Variants in ENTPD1 observed in about 807,000 individuals in gnomAD.
ENTPD1 encodes ATP diphosphohydrolase.
In ENTPD1, 33 loss-of-function variants were observed where a neutral mutation model predicts 57.0. The ratio of observed to expected loss-of-function variants is 0.58; its 90% CI spans 0.44 to 0.77. The LOEUF is 0.77. Among genes scored for constraint, ENTPD1 ranks in the 30% least tolerant of loss-of-function variants. ENTPD1 has a pLI of 0.00. For synonymous variants in ENTPD1, 202 were observed against 218.8 expected, an observed-to-expected ratio of 0.92 and a Z score of 0.68; for missense variants, 501 against 603.4, an observed-to-expected ratio of 0.83 and a Z score of 1.78.
Position 95,742,336 on chromosome 10 carries a change from C to T in ENTPD1, c.37+30343C>T, listed in dbSNP as rs532612555. Reference sequence around the variant, plus strand: ...CAATGTTCCCAAATAAGGGTAACCCCGTCTGGAGAAGCCTAGGCCTTTTCC... The same window carrying T: ...CAATGTTCCCAAATAAGGGTAACCCTGTCTGGAGAAGCCTAGGCCTTTTCC... On this transcript the variant is annotated intron_variant, in intron 1 of 9. Transcript: ENST00000453258. Among the ~76,000 whole-genome samples the T allele has an allele frequency of 3.3e-5, 5 of 151,854 alleles. No homozygotes were observed. The East Asian group carries it at 7.7e-4, about 23-fold the overall frequency.
At chr10:95,824,878 A>G (rs2098368348) in intron 2 of ENTPD1, among the ~76,000 whole-genome samples, 1 of 152,236 alleles carries the variant, frequency 6.6e-6, no homozygotes, top group Non-Finnish European at 1.5e-5. Flanking sequence ...AGTATTGAAG[A>G]GCAGTCATTG....
intron 1 of ENTPD1, among the ~76,000 whole-genome samples, chr10:95,808,217 C>T (rs944182813): frequency 5.3e-5 from 8 of 152,180 alleles, no homozygotes; most frequent in African/African-American, 1.9e-4. Context: ...GGATGAATCA[C>T]ATTTATTGAT....
At chr10:95,724,628 A>G (rs1439689055) in intron 1 of ENTPD1, among the ~76,000 whole-genome samples, 1 of 152,216 alleles carries the variant, frequency 6.6e-6, no homozygotes, top group Non-Finnish European at 1.5e-5. Context: ...GCGAGCCTTT[A>G]GCCTGATTGG....
chr10:95,820,323 T>C (rs1202099216), intron 1 of ENTPD1, among the ~76,000 whole-genome samples: 1 of 152,206 alleles, frequency 6.6e-6, no homozygotes, highest in East Asian at 1.9e-4. Context: ...TCCTAAATTT[T>C]CTCTCTGACC....
chr10:95,754,998 G>A (rs2139918939), upstream of ENTPD1: 2 of 152,290 alleles, frequency 1.3e-5, no homozygotes, highest in East Asian at 3.9e-4. Flanking sequence ...TGATTTATAT[G>A]GTATAACTGG....
rs573645871 is a variant in ENTPD1 at position 95,813,280 on chromosome 10, A to G, written c.17-9957A>G. On this transcript the variant is annotated intron_variant, in intron 1 of 9. Coordinates refer to ENST00000371205, the MANE Select transcript of ENTPD1 (RefSeq NM_001776.6). ...AATATACATATTCAATAAGCTATAG[A>G]AGGAGTCATGAATATTTATGAAGGG... Among the ~76,000 whole-genome samples the G allele has an allele frequency of 1.6e-4, 24 of 152,302 alleles. 1 individual carries two copies. The highest frequency in any genetic ancestry group is 1.4e-3 in the Admixed American group (21 of 15,300).
At position 95,757,236 on chromosome 10, in the gene ENTPD1, G is replaced by A. The variant is rs934881751; in HGVS notation, c.16+981G>A. 2.6e-5 allele frequency among the ~76,000 whole-genome samples: 4 copies of A among 152,322 alleles called. No homozygotes were observed. In the South Asian group the frequency reaches 8.3e-4, roughly 32 times the overall value. On this transcript the variant is annotated intron_variant, in intron 1 of 9. Transcript: ENST00000371205. ...TTAATGTTGACTAAGTCTTTATTCT[G>A]TGTTGGGAGCTATACCTAGCATATT... is the stretch of plus-strand genomic sequence containing the variant.
At position 95,876,007 on chromosome 10, in the gene ENTPD1, C is replaced by G; in HGVS notation, c.*9624C>G. The G allele has an allele frequency of 2.0e-6, 2 of 985,370 alleles. No homozygotes were observed. Among genetic ancestry groups the G allele is most frequent in the Non-Finnish European group, 2.4e-6 (2 of 829,924 alleles). 61.0% of individuals were successfully genotyped at this position (985,370 alleles called of 1,614,324 possible). On this transcript the variant is annotated 3_prime_UTR_variant, in exon 10 of 10. Coordinates refer to ENST00000371205, the MANE Select transcript of ENTPD1 (RefSeq NM_001776.6). ...AACCAGCTGAATGGAAGTACAATCTCTTGCTATATGACACAATAATTATTT... is the reference window on the plus strand; with the variant it reads ...AACCAGCTGAATGGAAGTACAATCTGTTGCTATATGACACAATAATTATTT...
intron 1 of ENTPD1, among the ~76,000 whole-genome samples, chr10:95,765,306 G>A (rs879483296): frequency 4.6e-5 from 7 of 152,126 alleles, no homozygotes; most frequent in African/African-American, 1.7e-4. Context: ...TCTTCAAAGA[G>A]CTACATAGTT....
At chr10:95,757,770 C>T (rs1439648988) in intron 1 of ENTPD1, among the ~76,000 whole-genome samples, 1 of 151,770 alleles carries the variant, frequency 6.6e-6, no homozygotes, top group Non-Finnish European at 1.5e-5. Flanking sequence ...TTTGGGAGGC[C>T]GAGGTGGGCG....
intron 1 of ENTPD1, among the ~76,000 whole-genome samples, chr10:95,728,554 C>T (rs748222467): frequency 6.6e-6 from 1 of 152,126 alleles, no homozygotes; most frequent in African/African-American, 2.4e-5. Flanking sequence ...TCACTAGTGG[C>T]ACTTTTTATG....
intron 2 of ENTPD1, among the ~76,000 whole-genome samples, chr10:95,838,965 AAACATGAAGTTT>A (rs1310169519): frequency 1.3e-5 from 2 of 152,164 alleles, no homozygotes; most frequent in African/African-American, 4.8e-5. Context: ...GTAAAGCTAA[AAACATGAAGTTT>A]AAGTACATAT....
At chr10:95,788,149 A>C (rs1435448783) in intron 1 of ENTPD1, among the ~76,000 whole-genome samples, 2 of 152,212 alleles carry the variant, frequency 1.3e-5, no homozygotes, top group African/African-American at 4.8e-5. Flanking sequence ...TAGTTCATCT[A>C]GGCATTAATA....
the ENTPD1 span, among the ~76,000 whole-genome samples, chr10:95,705,368 C>T: frequency 6.6e-6 from 1 of 151,822 alleles, no homozygotes; most frequent in South Asian, 2.1e-4. Flanking sequence ...TAAAATAGCA[C>T]CAAACTACAA....
chr10:95,806,947 G>A (rs1156619207), intron 1 of ENTPD1, among the ~76,000 whole-genome samples: 3 of 152,208 alleles, frequency 2.0e-5, no homozygotes, highest in African/African-American at 4.8e-5. Flanking sequence ...GTGTCTCCCA[G>A]TTAGGCTACA....
intron 2 of ENTPD1, among the ~76,000 whole-genome samples, chr10:95,826,510 T>C (rs1170404575): frequency 6.7e-6 from 1 of 148,436 alleles, no homozygotes; most frequent in Non-Finnish European, 1.5e-5. Context: ...GAGGCGGAGG[T>C]TGCAGTGAGC....
intron 1 of ENTPD1, among the ~76,000 whole-genome samples, chr10:95,759,577 C>T (rs553364934): frequency 2.0e-5 from 3 of 152,282 alleles, no homozygotes; most frequent in South Asian, 4.1e-4. Context: ...TCATAAAGTA[C>T]GCTATGGTTT....
chr10:95,781,772 C>T (rs1013888781), intron 1 of ENTPD1, among the ~76,000 whole-genome samples: 5 of 152,112 alleles, frequency 3.3e-5, no homozygotes, highest in African/African-American at 1.2e-4. Context: ...AGGAGGTTTG[C>T]CCAGATTCTC....
At chr10:95,704,013 C>T in the ENTPD1 span, among the ~76,000 whole-genome samples, 1 of 151,952 alleles carries the variant, frequency 6.6e-6, no homozygotes, top group Non-Finnish European at 1.5e-5. Flanking sequence ...ATTGCTTGAA[C>T]CCGGGAGGCA....
Sources: gnomAD v4.1 joint callset for allele counts (sites outside exome capture counted in the v4.1 genomes callset) on GRCh38, gnomAD v4.1.1 for gene constraint, MANE v1.5 for transcripts, NCBI Gene and HGNC (gene_info 2026-07-23, HGNC 2026-07-21) for gene names.